DPF3: variants seen among roughly 807,000 people sequenced by gnomAD.
DPF3 encodes the protein double PHD fingers 3.
Under a neutral mutation model 56.8 loss-of-function variants are expected in DPF3, and 18 were observed. The ratio of observed to expected loss-of-function variants is 0.32; its 90% CI spans 0.22 to 0.47. DPF3 has a LOEUF of 0.47. Ranked by LOEUF, DPF3 falls within the 20% of genes least tolerant of loss-of-function variation. The pLI, the probability that DPF3 is intolerant of heterozygous loss-of-function variation, is 1.00. For synonymous variants in DPF3, 188 were observed against 180.2 expected (o/e 1.04, Z -0.35); for missense variants, 403 against 488.8 (o/e 0.82, Z 1.65).
intron 1 of DPF3, among the ~76,000 whole-genome samples, chr14:72,792,729 A>T (rs1163401777): frequency 6.6e-6 from 1 of 151,964 alleles, no homozygotes; most frequent in Non-Finnish European, 1.5e-5. Context: ...CTGTGTCTCG[A>T]TGGAGCCAGG....
rs115246662 is a variant in DPF3, at chr14:72,850,343, T to C, written c.32+43714A>G. On this transcript the variant is annotated intron_variant, in intron 1 of 10. Transcript: ENST00000556509. ...TCCCACCAACTCCCTATTCTTCGTC[T>C]CCTACAGGTTTACATGGCCTGACTA... 4.9e-3 allele frequency among the ~76,000 whole-genome samples: 739 copies of C among 152,070 alleles called. 7 individuals are homozygous for C. Among genetic ancestry groups the C allele is most frequent in the African/African-American group, 0.017 (723 of 41,456 alleles).
intron 4 of DPF3, among the ~76,000 whole-genome samples, chr14:72,728,448 G>A (rs138130567): frequency 4.2e-3 from 646 of 152,278 alleles, no homozygotes; most frequent in African/African-American, 8.9e-3. Flanking sequence ...ACAGAGCGGC[G>A]AAAGGAGTAG....
At chr14:72,655,197 T>G (rs1886028666) in intron 8 of DPF3, among the ~76,000 whole-genome samples, 1 of 152,220 alleles carries the variant, frequency 6.6e-6, no homozygotes, top group Non-Finnish European at 1.5e-5. Context: ...GAGCAAAATT[T>G]TTCTGGAGTT....
Position 72,618,545 on chromosome 14 carries a change from T to C in DPF3, c.*752A>G, listed in dbSNP as rs1205861551. 6.6e-6 allele frequency among the ~76,000 whole-genome samples: 1 copy of C among 152,202 alleles called. No homozygotes were observed. The highest frequency in any genetic ancestry group is 1.5e-5 in the Non-Finnish European group (1 of 68,050). On this transcript the variant is annotated 3_prime_UTR_variant, in exon 11 of 11. Coordinates refer to ENST00000556509, the MANE Select transcript of DPF3 (RefSeq NM_001280542.3). ...AAGGTCAAGGAACCAGCCTGGCCTC[T>C]TGCAAAGTCTCTCCCGATGGATAAC...
At chr14:72,632,639 AAGGGAGGGAAGG>A (rs901676639) in intron 8 of DPF3, among the ~76,000 whole-genome samples, 5 of 141,624 alleles carry the variant, frequency 3.5e-5, no homozygotes, top group Admixed American at 1.4e-4. Context: ...AAGCAGGAGG[AAGGGAGGGAAGG>A]AGGGAGGGAA....
chr14:72,665,924 CAT>C (rs1024782962), intron 8 of DPF3, among the ~76,000 whole-genome samples: 1 of 152,122 alleles, frequency 6.6e-6, no homozygotes, highest in Non-Finnish European at 1.5e-5. Context: ...TTTAAAAAGC[CAT>C]AGTTATTGGT....
chr14:72,819,131 C>T (rs1372516491), intron 1 of DPF3, among the ~76,000 whole-genome samples: 2 of 152,198 alleles, frequency 1.3e-5, no homozygotes, highest in Non-Finnish European at 2.9e-5. Context: ...GAAATGCCCA[C>T]TAAAACTACA....
Position 72,674,355 on chromosome 14 carries a change from C to T in DPF3, c.756G>A (p.Pro252=), listed in dbSNP as rs374644462. ...RNENHRPQKG[P]DGTVIPNNYC... is the part of the protein sequence containing the mutation. ...AGTTATTGGGAATGACTGTTCCATC[C>T]GGTCCTTTCTGGGCTGTGGGAACAT... Residue 252 remains proline, a synonymous_variant, in exon 8 of 11, where the codon CCG becomes CCA. Coordinates refer to ENST00000556509, the MANE Select transcript of DPF3 (RefSeq NM_001280542.3). The T allele has an allele frequency of 2.0e-4, 317 of 1,612,748 alleles. No individual in the cohort carries two copies. Among genetic ancestry groups the T allele is most frequent in the Non-Finnish European group, 2.6e-4 (308 of 1,179,490 alleles).
At chr14:72,712,316 A>G (rs1021353768) in intron 6 of DPF3, among the ~76,000 whole-genome samples, 3 of 152,150 alleles carry the variant, frequency 2.0e-5, no homozygotes, top group Non-Finnish European at 4.4e-5. Flanking sequence ...TTGCAGAAAG[A>G]GGGGTGCCCA....
chr14:72,734,505 C>G (rs778787751), intron 3 of DPF3, among the ~76,000 whole-genome samples: 5 of 152,200 alleles, frequency 3.3e-5, no homozygotes, highest in Non-Finnish European at 5.9e-5. Context: ...CAAAAGAGAA[C>G]AGCTGGTCAC....
intron 1 of DPF3, among the ~76,000 whole-genome samples, chr14:72,878,028 A>C (rs1304427593): frequency 2.0e-5 from 3 of 152,196 alleles, no homozygotes. Flanking sequence ...TGAGTTAACG[A>C]ATATTTTTCT....
At chr14:72,892,357 T>C in intron 1 of DPF3, 1 of 1,533,100 alleles carries the variant, frequency 6.5e-7, no homozygotes, top group South Asian at 1.2e-5. Flanking sequence ...CTTTCTTGGG[T>C]GAAACGCTGT....
At chr14:72,753,606 A>C (rs1458910356) in intron 2 of DPF3, among the ~76,000 whole-genome samples, 1 of 152,094 alleles carries the variant, frequency 6.6e-6, no homozygotes. Flanking sequence ...TGCCAACGAG[A>C]GCCATTGCCT....
rs963708990 is a variant in DPF3, at chr14:72,618,904, C to A, written c.*393G>T. On this transcript the variant is annotated 3_prime_UTR_variant, in exon 11 of 11. Transcript: ENST00000556509. ...GGGCACGGGGGCTGTGCCAAGATTTCTTGGAACACAATAGATAAAAAAACA... is the reference window on the plus strand; with the variant it reads ...GGGCACGGGGGCTGTGCCAAGATTTATTGGAACACAATAGATAAAAAAACA... Among the ~76,000 whole-genome samples, 1 of 152,176 alleles carries A rather than the reference C, an allele frequency of 6.6e-6. No homozygotes were observed. The highest frequency in any genetic ancestry group is 2.4e-5 in the African/African-American group (1 of 41,446).
At chr14:72,657,639 C>T (rs1281979811) in intron 8 of DPF3, among the ~76,000 whole-genome samples, 2 of 152,156 alleles carry the variant, frequency 1.3e-5, no homozygotes, top group Non-Finnish European at 2.9e-5. Flanking sequence ...ACCACCACCA[C>T]CACCCCCAAC....
At chr14:72,662,475 T>A (rs1260749091) in intron 8 of DPF3, 2 of 984,102 alleles carry the variant, frequency 2.0e-6, no homozygotes, top group Non-Finnish European at 2.4e-6. Context: ...TTTTTTTCCA[T>A]CAGTTTGTTT....
chr14:72,721,501 C>A (rs999137776), intron 5 of DPF3, among the ~76,000 whole-genome samples: 1 of 152,144 alleles, frequency 6.6e-6, no homozygotes, highest in African/African-American at 2.4e-5. Context: ...CTTTTTAATA[C>A]CCTCCCCTCC....
chr14:72,696,009 C>T (rs560245692), intron 6 of DPF3, among the ~76,000 whole-genome samples: 1 of 152,280 alleles, frequency 6.6e-6, no homozygotes, highest in South Asian at 2.1e-4. Flanking sequence ...CCCTGAGGTG[C>T]ACTCTGGATC....
intron 1 of DPF3, chr14:72,879,817 G>GGCCT: frequency 6.5e-7 from 1 of 1,535,460 alleles, no homozygotes; most frequent in South Asian, 1.2e-5. Context: ...AGAGCCCATG[G>GGCCT]GCCTCCAGGG....
Sources: gnomAD v4.1 joint callset for allele counts (sites outside exome capture counted in the v4.1 genomes callset) on GRCh38, gnomAD v4.1.1 for gene constraint, MANE v1.5 for transcripts, NCBI Gene and HGNC (gene_info 2026-07-23, HGNC 2026-07-21) for gene names.